The following NPL variants were observed in gnomAD, a reference collection of about 807,000 sequenced individuals.
The protein encoded by NPL is N-acetylneuraminate lyase.
A neutral mutation model predicts 41.1 loss-of-function variants in NPL; 32 were observed. The ratio of observed to expected loss-of-function variants is 0.78; its 90% CI spans 0.59 to 1.05. The LOEUF is 1.05. Among genes scored for constraint, NPL ranks in the 50% least tolerant of loss-of-function variants. The pLI, the probability that NPL is intolerant of heterozygous loss-of-function variation, is 0.00. For missense variants in NPL, 321 were observed against 378.4 expected (o/e 0.85, Z 1.26); for synonymous variants, 128 against 134.9 (o/e 0.95, Z 0.35).
chr1:182,809,235 G>A (rs1285269868), intron 5 of NPL: 1 of 452,712 alleles, frequency 2.2e-6, no homozygotes, highest in Non-Finnish European at 4.4e-6. Flanking sequence ...AGTAGACGGA[G>A]TAGCTTTAGA....
intron 1 of NPL, among the ~76,000 whole-genome samples, chr1:182,790,829 G>C (rs1445159792): frequency 6.6e-6 from 1 of 152,140 alleles, no homozygotes; most frequent in African/African-American, 2.4e-5. Flanking sequence ...TTTTAGTAGA[G>C]ACGGGGTTTG....
At chr1:182,809,249 C>T (rs1456857556) in intron 5 of NPL, 1 of 451,890 alleles carries the variant, frequency 2.2e-6, no homozygotes, top group African/African-American at 2.0e-5. Context: ...CTTTAGAAGA[C>T]AGCTGAAGGC....
At chr1:182,802,106 A>G (rs911478802) in intron 3 of NPL, among the ~76,000 whole-genome samples, 5 of 152,234 alleles carry the variant, frequency 3.3e-5, no homozygotes, top group Non-Finnish European at 7.3e-5. Flanking sequence ...TGGTGATTTC[A>G]TCATTGTAAG....
At chr1:182,803,139 C>T (rs1666899929) in intron 3 of NPL, among the ~76,000 whole-genome samples, 1 of 152,138 alleles carries the variant, frequency 6.6e-6, no homozygotes, top group South Asian at 2.1e-4. Context: ...ATGTTTCCAT[C>T]CTCTGTAATG....
At chr1:182,794,629 A>G (rs1666607065) in intron 3 of NPL, among the ~76,000 whole-genome samples, 190 bp downstream of exon 3, 1 of 152,212 alleles carries the variant, frequency 6.6e-6, no homozygotes, top group Non-Finnish European at 1.5e-5. Context: ...CTCTGACCCC[A>G]AAGTCAGAGA....
Position 182,818,582 on chromosome 1 carries a change from C to G in NPL, c.499C>G (p.Pro167Ala). The change falls in exon 9 of 13, where the codon CCC (proline) becomes GCC (alanine). Residue 167 changes from proline (P) to alanine (A), a missense_variant. By Grantham distance (27) the Pro-to-Ala change is conservative. Coordinates refer to ENST00000367553, the MANE Select transcript of NPL (RefSeq NM_030769.3). ...GTTGGATGGGATTCTGGATAAGATCCCCACCTTCCAAGGGCTGAAATTCAG... is the reference window on the plus strand; with the variant it reads ...GTTGGATGGGATTCTGGATAAGATCGCCACCTTCCAAGGGCTGAAATTCAG... Reference protein sequence around the residue: ...ELLDGILDKIPTFQGLKFSDT... With the variant: ...ELLDGILDKIATFQGLKFSDT... 6.2e-7 allele frequency: 1 copy of G among 1,614,110 alleles called. No homozygotes were observed. The highest frequency in any genetic ancestry group is 8.5e-7 in the Non-Finnish European group (1 of 1,180,008).
chr1:182,803,869 G>A (rs1456340503), intron 4 of NPL, 98 bp downstream of exon 4: 4 of 906,454 alleles, frequency 4.4e-6, no homozygotes, highest in Non-Finnish European at 5.6e-6. Context: ...CAGTCATGGT[G>A]TCACAGGTTA....
At chr1:182,812,060 T>G (rs1667190113) in intron 5 of NPL, 96 bp from the exon 6 acceptor site, 5 of 1,117,984 alleles carry the variant, frequency 4.5e-6, no homozygotes, top group Non-Finnish European at 4.1e-6. Flanking sequence ...TAATAAGGCA[T>G]CAGTTAACTG....
At chr1:182,801,410 C>G (rs1009909104) in intron 3 of NPL, among the ~76,000 whole-genome samples, 1 of 152,156 alleles carries the variant, frequency 6.6e-6, no homozygotes, top group Non-Finnish European at 1.5e-5. Flanking sequence ...GAAGCACTAT[C>G]CACTGAGGCC....
chr1:182,790,115 G>A (rs991572543), intron 1 of NPL, among the ~76,000 whole-genome samples: 5 of 152,196 alleles, frequency 3.3e-5, no homozygotes, highest in Admixed American at 1.3e-4. Flanking sequence ...AGAGCTTAAA[G>A]TTAAACCTGA....
At chr1:182,821,030 G>C (rs552870999) in intron 10 of NPL, among the ~76,000 whole-genome samples, 1 of 152,100 alleles carries the variant, frequency 6.6e-6, no homozygotes. Flanking sequence ...TCACCTTTCT[G>C]TCTAACCAGG....
intron 2 of NPL, among the ~76,000 whole-genome samples, chr1:182,793,945 G>A (rs61807494): frequency 0.27 from 40,699 of 152,084 alleles, 7,001 homozygotes; most frequent in Non-Finnish European, 0.38. Flanking sequence ...TGTGTGACTT[G>A]AGTAGGCATG....
chr1:182,820,724 G>A (rs923457376), intron 10 of NPL, among the ~76,000 whole-genome samples: 1 of 152,104 alleles, frequency 6.6e-6, no homozygotes, highest in Non-Finnish European at 1.5e-5. Flanking sequence ...TGGATCTCAC[G>A]AGAACTCACT....
chr1:182,802,472 T>G (rs981173644), intron 3 of NPL, among the ~76,000 whole-genome samples: 9 of 152,230 alleles, frequency 5.9e-5, no homozygotes, highest in Admixed American at 2.0e-4. Flanking sequence ...TCAGATTTTT[T>G]TTTTTGTTTT....
intron 10 of NPL, 49 bp from the exon 11 acceptor site, chr1:182,822,066 C>G (rs959049467): frequency 8.3e-7 from 1 of 1,198,300 alleles, no homozygotes; most frequent in Admixed American, 1.7e-5. Context: ...AGATCTGGAC[C>G]TTTCCTGTTG....
intron 11 of NPL, among the ~76,000 whole-genome samples, chr1:182,824,191 C>G (rs1174504604): frequency 1.3e-5 from 2 of 152,150 alleles, no homozygotes; most frequent in Non-Finnish European, 2.9e-5. Context: ...ATCCATAAGG[C>G]AATGGTTAAA....
chr1:182,805,523 A>C (rs1179591059), intron 4 of NPL, among the ~76,000 whole-genome samples: 1 of 152,264 alleles, frequency 6.6e-6, no homozygotes, highest in Non-Finnish European at 1.5e-5. Context: ...ATTCAAACTT[A>C]AATTATTTTC....
In NPL at chr1:182,821,321, TG is replaced by T. The variant is rs560211680; in HGVS notation, c.654-792del. Among the ~76,000 whole-genome samples the T allele has an allele frequency of 1.3e-3, 202 of 152,378 alleles. 1 individual carries two copies. Among genetic ancestry groups the T allele is most frequent in the African/African-American group, 4.6e-3 (193 of 41,594 alleles). ...GAGTTTCTATAACCTTCTACCTTGC[TG>T]GTTTCTCTAAGAATTCAGTGACTTA... On this transcript the variant is annotated intron_variant, in intron 10 of 12. Transcript: ENST00000367553.
intron 3 of NPL, among the ~76,000 whole-genome samples, chr1:182,802,466 A>AT (rs371619666): frequency 0.04 from 5,982 of 147,768 alleles, 276 homozygotes; most frequent in African/African-American, 0.12. Context: ...GATGCATCAG[A>AT]TTTTTTTTTT....
Sources: allele counts gnomAD v4.1 joint callset (sites outside exome capture counted in the v4.1 genomes callset), GRCh38; gene constraint gnomAD v4.1.1; transcripts MANE v1.5; gene names NCBI Gene and HGNC (gene_info 2026-07-23, HGNC 2026-07-21).